The following MYT1L variants were observed in gnomAD, a reference collection of about 807,000 sequenced individuals.
MYT1L encodes the protein myelin transcription factor 1-like protein.
A neutral mutation model predicts 126.7 loss-of-function variants in MYT1L; 12 were observed. That is an observed-to-expected ratio of 0.09 (90% CI 0.06 to 0.15). The LOEUF (loss-of-function observed/expected upper bound fraction) is 0.15. Ranked by LOEUF, MYT1L falls within the 10% of genes least tolerant of loss-of-function variation. The probability of loss-of-function intolerance (pLI) is 1.00; values close to 1 mark genes in which losing one functional copy is unlikely to be tolerated. For missense variants in MYT1L, 979 were observed against 1,585.2 expected (o/e 0.62, Z 6.49); for synonymous variants, 541 against 604.2 (o/e 0.90, Z 1.53).
At chr2:2,236,826 T>TGATGGAG in intron 2 of MYT1L, among the ~76,000 whole-genome samples, 2 of 134,316 alleles carry the variant, frequency 1.5e-5, no homozygotes, top group African/African-American at 5.6e-5. Flanking sequence ...TTTTTTTTTT[T>TGATGGAG]TTTTTTGATG....
Position 1,791,357 on chromosome 2 carries a change from C to T in MYT1L, c.*510G>A, listed in dbSNP as rs933417937. On this transcript the variant is annotated 3_prime_UTR_variant, in exon 25 of 25. Coordinates refer to ENST00000647738, the MANE Select transcript of MYT1L (RefSeq NM_001303052.2). The surrounding 1 kb of genome is among the most constrained non-coding windows in gnomAD (Gnocchi z 6.0). The stretch of plus-strand genomic sequence containing the variant: ...CGAATTCTTGCTATGAAACAATATG[C>T]ACACAAAATGTATTTCTTAAATTCC... 3 of 436,976 alleles carry T rather than the reference C, an allele frequency of 6.9e-6. No individual in the cohort carries two copies. The highest frequency in any genetic ancestry group is 4.1e-5 in the African/African-American group (2 of 48,250). The allele number at this position is 436,976 out of a possible 1,614,324, so 27.1% of individuals were successfully genotyped here. A position where few individuals can be genotyped will look rare whatever the true frequency, so the allele number is the denominator to read the frequency against.
chr2:2,051,038 T>TA (rs2068766884), intron 4 of MYT1L, among the ~76,000 whole-genome samples: 1 of 152,136 alleles, frequency 6.6e-6, no homozygotes, highest in South Asian at 2.1e-4. Flanking sequence ...TGCAACTTCT[T>TA]AGAGAGGACC....
intron 3 of MYT1L, among the ~76,000 whole-genome samples, chr2:2,161,736 A>T (rs2087963078): frequency 6.6e-6 from 1 of 152,168 alleles, no homozygotes; most frequent in African/African-American, 2.4e-5. Context: ...TCAGAGGTGG[A>T]TGCATCAGCT....
intron 2 of MYT1L, among the ~76,000 whole-genome samples, chr2:2,240,846 G>T (rs981671936): frequency 6.6e-6 from 1 of 152,100 alleles, no homozygotes; most frequent in African/African-American, 2.4e-5. Flanking sequence ...TCATGGAGTT[G>T]GAAAAAGGGT....
At chr2:1,956,227 G>A (rs76205894) in intron 8 of MYT1L, among the ~76,000 whole-genome samples, 4,897 of 48,194 alleles carry the variant, frequency 0.1, 117 homozygotes, top group Non-Finnish European at 0.11. Context: ...CTATCTATCT[G>A]TCTATCATCT....
intron 2 of MYT1L, among the ~76,000 whole-genome samples, chr2:2,257,460 G>C (rs921478546): frequency 6.6e-6 from 1 of 152,134 alleles, no homozygotes; most frequent in East Asian, 1.9e-4. Flanking sequence ...GTTGGATCAC[G>C]AGGTCAAGGA....
chr2:2,272,876 C>A (rs1406191134), intron 2 of MYT1L, among the ~76,000 whole-genome samples: 2 of 152,170 alleles, frequency 1.3e-5, no homozygotes, highest in African/African-American at 4.8e-5. Context: ...CCTGCTGGCC[C>A]TGCACCTCCA....
At chr2:1,988,830 G>T (rs562646212) in intron 5 of MYT1L, among the ~76,000 whole-genome samples, 1 of 152,256 alleles carries the variant, frequency 6.6e-6, no homozygotes, top group Non-Finnish European at 1.5e-5. Flanking sequence ...CGCCTGGCTG[G>T]GTACATAGCC....
chr2:1,915,526 G>A (rs1011078973), intron 11 of MYT1L, among the ~76,000 whole-genome samples: 1 of 152,212 alleles, frequency 6.6e-6, no homozygotes, highest in African/African-American at 2.4e-5. Context: ...CTACCTTGAA[G>A]GTGAAAATGT....
chr2:1,891,893 T>TGTTCACA, intron 15 of MYT1L, 144 bp downstream of exon 15: 1 of 1,381,018 alleles, frequency 7.2e-7, no homozygotes, highest in Non-Finnish European at 9.5e-7. Flanking sequence ...CTGCACTAAT[T>TGTTCACA]GTTCACAGTG....
At chr2:1,891,973 G>A (rs1395162419) in intron 15 of MYT1L, 64 bp downstream of exon 15, 1 of 1,448,686 alleles carries the variant, frequency 6.9e-7, no homozygotes, top group Non-Finnish European at 9.0e-7. Context: ...GTGTCTCGGT[G>A]GCTGGGTCCG....
intron 13 of MYT1L, among the ~76,000 whole-genome samples, chr2:1,907,046 AG>A (rs2051159557): frequency 6.6e-6 from 1 of 151,664 alleles, no homozygotes; most frequent in Admixed American, 6.6e-5. Context: ...CAGGACATCA[AG>A]GCTACAGTGA....
At chr2:2,134,589 A>G (rs1213171325) in intron 3 of MYT1L, among the ~76,000 whole-genome samples, 1 of 152,148 alleles carries the variant, frequency 6.6e-6, no homozygotes, top group Non-Finnish European at 1.5e-5. Context: ...GTGCCCTGGT[A>G]AGAAGAGAAA....
At chr2:2,103,763 T>C (rs1187757185) in intron 3 of MYT1L, among the ~76,000 whole-genome samples, 2 of 152,214 alleles carry the variant, frequency 1.3e-5, no homozygotes, top group Non-Finnish European at 2.9e-5. Flanking sequence ...TACTTTCTCC[T>C]TCACGAGAAA....
chr2:1,914,249 G>A (rs1306200860), intron 11 of MYT1L, among the ~76,000 whole-genome samples: 1 of 151,170 alleles, frequency 6.6e-6, no homozygotes, highest in Non-Finnish European at 1.5e-5. Flanking sequence ...GCGAGACTCT[G>A]TCTAAAAAAA....
chr2:2,263,771 T>G (rs1383033359), intron 2 of MYT1L, among the ~76,000 whole-genome samples: 1 of 152,142 alleles, frequency 6.6e-6, no homozygotes, highest in African/African-American at 2.4e-5. Flanking sequence ...GAGCTGCTAG[T>G]TGGAGGGGCC....
chr2:1,930,315 C>T lies in MYT1L; in HGVS notation c.506-7052G>A, dbSNP rs114625700. ...AGTGGCACTATATCACGGAGCAGAG[C>T]GGCACACCTGCCTCTCAAGGCACCC... On this transcript the variant is annotated intron_variant, in intron 9 of 24. Transcript: ENST00000647738. Among the ~76,000 whole-genome samples, 534 of 152,332 alleles carry T rather than the reference C, an allele frequency of 3.5e-3. 5 individuals are homozygous for T. The highest frequency in any genetic ancestry group is 0.012 in the African/African-American group (502 of 41,568).
intron 19 of MYT1L, among the ~76,000 whole-genome samples, chr2:1,850,058 A>G (rs2043021173): frequency 6.6e-6 from 1 of 151,460 alleles, no homozygotes; most frequent in Admixed American, 6.6e-5. Flanking sequence ...TCCACTGCTG[A>G]CAGTGTCTTT....
At chr2:1,915,886 C>T (rs529808581) in intron 11 of MYT1L, among the ~76,000 whole-genome samples, 2 of 152,250 alleles carry the variant, frequency 1.3e-5, no homozygotes, top group South Asian at 2.1e-4. Flanking sequence ...CTTCCTCATC[C>T]GAATGAAAGG....
Sources: allele counts gnomAD v4.1 joint callset (sites outside exome capture counted in the v4.1 genomes callset), GRCh38; gene constraint gnomAD v4.1.1; non-coding constraint Gnocchi (gnomAD v3.1); transcripts MANE v1.5; gene names NCBI Gene and HGNC (gene_info 2026-07-23, HGNC 2026-07-21).